The following DGLUCY variants were observed in gnomAD, a reference collection of about 807,000 sequenced individuals.
DGLUCY encodes D-glutamate cyclase, mitochondrial.
In DGLUCY, 58 loss-of-function variants were observed where a neutral mutation model predicts 58.5. That is an observed-to-expected ratio of 0.99 (90% CI 0.80 to 1.23). The LOEUF is 1.23. DGLUCY is among the 50% of genes most tolerant of loss of function. The pLI, the probability that DGLUCY is intolerant of heterozygous loss-of-function variation, is 0.00. For synonymous variants in DGLUCY, 325 were observed against 314.1 expected, an observed-to-expected ratio of 1.03 and a Z score of -0.37; for missense variants, 779 against 784.7, an observed-to-expected ratio of 0.99 and a Z score of 0.09.
At position 91,091,905 on chromosome 14, in the gene DGLUCY, G is replaced by A. The variant is rs1288482951; in HGVS notation, c.-82+31201G>A. The stretch of plus-strand genomic sequence containing the variant: ...TCTCCTCTGCTCTAAAACATCAGTG[G>A]CTTTTGACTGCCCCTCAGTCATCCT... On this transcript the variant is annotated intron_variant, in intron 1 of 4. Coordinates refer to the DGLUCY transcript ENST00000521334. Among the ~76,000 whole-genome samples, 4 of 152,252 alleles carry A rather than the reference G, an allele frequency of 2.6e-5. No homozygotes were observed. The East Asian group carries it at 7.7e-4, about 29-fold the overall frequency.
intron 8 of DGLUCY, among the ~76,000 whole-genome samples, chr14:91,186,232 G>A (rs538319131): frequency 3.3e-5 from 5 of 152,048 alleles, no homozygotes; most frequent in East Asian, 1.9e-4. Flanking sequence ...ATTTAAAAAT[G>A]TTGTTATTCT....
intron 2 of DGLUCY, among the ~76,000 whole-genome samples, chr14:91,159,948 C>T (rs1216097594): frequency 1.3e-5 from 2 of 152,142 alleles, no homozygotes; most frequent in African/African-American, 4.8e-5. Flanking sequence ...CACGGTGCCT[C>T]CTGGCCAAGG....
At chr14:91,205,938 A>C (rs1282148429) in intron 12 of DGLUCY, among the ~76,000 whole-genome samples, 1 of 135,624 alleles carries the variant, frequency 7.4e-6, no homozygotes, top group Non-Finnish European at 1.5e-5. Flanking sequence ...CTCCCGGGTT[A>C]AAGCGATTCT....
At chr14:91,091,137 C>G (rs1180834918) in intron 1 of DGLUCY, 1 of 152,066 alleles carries the variant, frequency 6.6e-6, no homozygotes, top group East Asian at 1.9e-4. Context: ...TGAAAAGCCC[C>G]AAATAAAAAT....
intron 8 of DGLUCY, among the ~76,000 whole-genome samples, chr14:91,185,810 C>G (rs1473220926): frequency 6.6e-6 from 1 of 151,994 alleles, no homozygotes; most frequent in Non-Finnish European, 1.5e-5. Context: ...CCCATCAATG[C>G]TGTGCAGACT....
chr14:91,166,958 A>G (rs2048317851), intron 3 of DGLUCY, among the ~76,000 whole-genome samples: 2 of 152,084 alleles, frequency 1.3e-5, no homozygotes, highest in Admixed American at 6.6e-5. Flanking sequence ...TATCCCATGT[A>G]TATTTTTAGT....
At position 91,199,870 on chromosome 14, in the gene DGLUCY, T is replaced by A; in HGVS notation, c.1409T>A (p.Leu470His). 6.2e-7 allele frequency: 1 copy of A among 1,614,208 alleles called. No homozygotes were observed. Among genetic ancestry groups the A allele is most frequent in the Middle Eastern group, 1.6e-4 (1 of 6,062 alleles). ...GTTGACCCCATTGACGATCTTTTTC[T>A]TGCTGCGAAGAAGATTCCTGGAATC... is the stretch of plus-strand genomic sequence containing the variant. ...HLVDPIDDLFLAAKKIPGISS... is the reference protein window; with the variant it reads ...HLVDPIDDLFHAAKKIPGISS... The change falls in exon 11 of 14, where the codon CTT becomes CAT. Residue 470 changes from leucine to histidine, a missense_variant. Coordinates refer to ENST00000256324, the MANE Select transcript of DGLUCY (RefSeq NM_001102368.3).
At chr14:91,165,203 G>A (rs765338715) in intron 3 of DGLUCY, 11 of 455,568 alleles carry the variant, frequency 2.4e-5, no homozygotes, top group Non-Finnish European at 4.4e-5. Context: ...TAACATAACC[G>A]TTACGTGTTT....
At chr14:91,201,540 G>A (rs1326718928) in intron 11 of DGLUCY, among the ~76,000 whole-genome samples, 5 of 151,948 alleles carry the variant, frequency 3.3e-5, no homozygotes, top group South Asian at 2.1e-4. Flanking sequence ...CTCGTGATCC[G>A]CCTGCCTCTG....
intron 1 of DGLUCY, among the ~76,000 whole-genome samples, chr14:91,087,969 G>A (rs746790671): frequency 2.6e-5 from 4 of 152,208 alleles, no homozygotes; most frequent in Admixed American, 6.5e-5. Flanking sequence ...ACAGCCCAGG[G>A]ATGGAGCCTC....
chr14:91,208,467 G>A (rs1285523148), intron 12 of DGLUCY, among the ~76,000 whole-genome samples: 4 of 152,168 alleles, frequency 2.6e-5, no homozygotes, highest in Non-Finnish European at 5.9e-5. Flanking sequence ...CCAAATGACA[G>A]GCCAGGCACG....
chr14:91,158,024 A>C (rs1161295473), intron 2 of DGLUCY, among the ~76,000 whole-genome samples: 1 of 152,164 alleles, frequency 6.6e-6, no homozygotes, highest in Non-Finnish European at 1.5e-5. Context: ...TGGGCAAATG[A>C]GGACGGTTAT....
At chr14:91,147,214 G>A (rs1428389214) in intron 1 of DGLUCY, among the ~76,000 whole-genome samples, 2 of 152,198 alleles carry the variant, frequency 1.3e-5, no homozygotes, top group Non-Finnish European at 2.9e-5. Context: ...TTAGGAGTGC[G>A]TGGTCCTCAT....
intron 9 of DGLUCY, among the ~76,000 whole-genome samples, chr14:91,190,011 G>A (rs1241507266): frequency 6.3e-5 from 8 of 126,774 alleles, no homozygotes; most frequent in Non-Finnish European, 1.1e-4. Context: ...TTTTTGAGAC[G>A]GAGTCTCGCT....
At chr14:91,172,294 G>A (rs1411513396) in intron 5 of DGLUCY, among the ~76,000 whole-genome samples, 1 of 152,176 alleles carries the variant, frequency 6.6e-6, no homozygotes, top group African/African-American at 2.4e-5. Context: ...GCCCAGGCTG[G>A]TCTTGAACTT....
chr14:91,151,382 G>T (rs891488618), intron 1 of DGLUCY, among the ~76,000 whole-genome samples: 1 of 151,920 alleles, frequency 6.6e-6, no homozygotes, highest in Non-Finnish European at 1.5e-5. Flanking sequence ...TGGGACTACA[G>T]GCGCCCACCA....
intron 1 of DGLUCY, among the ~76,000 whole-genome samples, chr14:91,143,780 TG>T (rs2140267906): frequency 6.6e-6 from 1 of 152,296 alleles, no homozygotes; most frequent in African/African-American, 2.4e-5. Flanking sequence ...CCAGACATTG[TG>T]CTGGGTATTT....
chr14:91,174,552 C>CA (rs1205325388), intron 6 of DGLUCY, among the ~76,000 whole-genome samples: 1 of 152,146 alleles, frequency 6.6e-6, no homozygotes, highest in African/African-American at 2.4e-5. Context: ...GTGGTCTGCC[C>CA]GTCTTGGCCT....
At chr14:91,212,495 A>G (rs185814195) in intron 12 of DGLUCY, among the ~76,000 whole-genome samples, 162 of 152,304 alleles carry the variant, frequency 1.1e-3, no homozygotes, top group African/African-American at 3.8e-3. Context: ...ACAGTGCCAC[A>G]TGTTGTAAAT....
Sources: gnomAD v4.1 joint callset for allele counts (sites outside exome capture counted in the v4.1 genomes callset) on GRCh38, gnomAD v4.1.1 for gene constraint, MANE v1.5 for transcripts, NCBI Gene and HGNC (gene_info 2026-07-23, HGNC 2026-07-21) for gene names.